Variants in TSNARE1 observed in about 807,000 individuals in gnomAD.
TSNARE1 encodes the protein t-SNARE domain containing 1, also known as t-SNARE domain-containing protein 1.
In TSNARE1, 49 loss-of-function variants were observed where a neutral mutation model predicts 62.0. The ratio of observed to expected loss-of-function variants is 0.79; its 90% CI spans 0.63 to 1.00. The LOEUF (loss-of-function observed/expected upper bound fraction) is 1.00, where lower values mean the gene tolerates loss of function less well. Among genes scored for constraint, TSNARE1 ranks in the 50% least tolerant of loss-of-function variants. The pLI is 0.00. For missense variants in TSNARE1, 755 were observed against 700.1 expected (o/e 1.08, Z -0.88); for synonymous variants, 328 against 294.4 (o/e 1.11, Z -1.17).
At chr8:142,373,953 T>C (rs1297384511) in intron 1 of TSNARE1, among the ~76,000 whole-genome samples, 3 of 151,894 alleles carry the variant, frequency 2.0e-5, no homozygotes, top group Admixed American at 6.6e-5. Context: ...TAATACACTG[T>C]GTGTGTGGAG....
intron 10 of TSNARE1, among the ~76,000 whole-genome samples, chr8:142,292,969 G>A (rs551066189): frequency 6.6e-6 from 1 of 152,268 alleles, no homozygotes; most frequent in South Asian, 2.1e-4. Flanking sequence ...TCAGCACATA[G>A]AAAGTGGGGG....
At position 142,310,202 on chromosome 8, in the gene TSNARE1, G is replaced by A. The variant is rs891168490; in HGVS notation, c.1131+4182C>T. ...GCCTACTGAACGTGTTTTATATTTC[G>A]TTAATTTCTGCCTTAGTAATTGCAT... On this transcript the variant is annotated intron_variant, in intron 9 of 13. Coordinates refer to ENST00000524325, the MANE Select transcript of TSNARE1 (RefSeq NM_145003.5). Among the ~76,000 whole-genome samples the A allele has an allele frequency of 7.2e-5, 11 of 152,060 alleles. No homozygotes were observed. The South Asian group carries it at 1.5e-3, about 20-fold the overall frequency.
intron 1 of TSNARE1, among the ~76,000 whole-genome samples, chr8:142,393,520 T>C (rs138484311): frequency 5.5e-4 from 84 of 152,370 alleles, no homozygotes; most frequent in Non-Finnish European, 3.7e-4. Context: ...TGTGTATTAT[T>C]TCTCACAACT....
At chr8:142,222,104 A>C (rs1586759823) in intron 13 of TSNARE1, among the ~76,000 whole-genome samples, 1 of 99,554 alleles carries the variant, frequency 1.0e-5, no homozygotes. Flanking sequence ...CATCCACTCC[A>C]CTCACTCATC....
At chr8:142,225,851 C>T (rs1265934656) in intron 13 of TSNARE1, among the ~76,000 whole-genome samples, 7 of 152,304 alleles carry the variant, frequency 4.6e-5, no homozygotes, top group East Asian at 1.9e-4. Flanking sequence ...TCTCATAGCC[C>T]GGGAGGTGAA....
intron 10 of TSNARE1, among the ~76,000 whole-genome samples, chr8:142,285,183 G>A (rs1822473531): frequency 6.6e-6 from 1 of 151,698 alleles, no homozygotes; most frequent in South Asian, 2.1e-4. Flanking sequence ...ATGGATGGGT[G>A]GGTGATGGGT....
At chr8:142,276,329 G>A (rs1563806986) in intron 11 of TSNARE1, 4 of 985,484 alleles carry the variant, frequency 4.1e-6, no homozygotes, top group Non-Finnish European at 3.6e-6. Flanking sequence ...GCCAATGGAG[G>A]AGGAGAGGGA....
intron 1 of TSNARE1, among the ~76,000 whole-genome samples, chr8:142,382,067 C>A (rs1331889450): frequency 6.6e-6 from 1 of 152,208 alleles, no homozygotes. Context: ...CCCACGCGCC[C>A]CTGCCAGCAT....
intron 9 of TSNARE1, among the ~76,000 whole-genome samples, chr8:142,302,995 C>T (rs1000939926): frequency 2.6e-5 from 4 of 152,102 alleles, no homozygotes; most frequent in African/African-American, 9.7e-5. Context: ...CCAACCCATC[C>T]CACTCACGTC....
intron 1 of TSNARE1, among the ~76,000 whole-genome samples, chr8:142,377,061 G>A (rs1045420092): frequency 5.9e-5 from 9 of 152,298 alleles, no homozygotes; most frequent in East Asian, 1.9e-4. Context: ...ACCTCCCCCC[G>A]TCAACGGGGG....
intron 1 of TSNARE1, among the ~76,000 whole-genome samples, chr8:142,371,359 G>A (rs1288834781): frequency 6.6e-6 from 1 of 152,212 alleles, no homozygotes; most frequent in Non-Finnish European, 1.5e-5. Context: ...CCAGGGGCTA[G>A]GGGTCGGCCA....
chr8:142,280,096 C>T (rs1345305309), intron 11 of TSNARE1: 11 of 1,182,258 alleles, frequency 9.3e-6, no homozygotes, highest in Admixed American at 3.8e-5. Context: ...GCGGTGCTTT[C>T]GGGCAGGTGT....
intron 13 of TSNARE1, among the ~76,000 whole-genome samples, chr8:142,213,903 C>G (rs2129803770): frequency 6.6e-6 from 1 of 152,270 alleles, no homozygotes; most frequent in Non-Finnish European, 1.5e-5. Context: ...AAGCCCTGGC[C>G]TTTCCAGGAT....
At chr8:142,233,340 G>A (rs559238708) in intron 12 of TSNARE1, among the ~76,000 whole-genome samples, 1 of 152,284 alleles carries the variant, frequency 6.6e-6, no homozygotes, top group South Asian at 2.1e-4. Flanking sequence ...GACGGGTGAT[G>A]GTCAAGGCCG....
intron 11 of TSNARE1, chr8:142,280,336 C>A (rs1821211086): frequency 1.0e-6 from 1 of 985,188 alleles, no homozygotes; most frequent in Admixed American, 6.1e-5. Context: ...TGGAAAGGCA[C>A]CAGAGGCTGA....
chr8:142,375,527 G>A (rs542858146), intron 1 of TSNARE1, among the ~76,000 whole-genome samples: 4 of 152,192 alleles, frequency 2.6e-5, no homozygotes, highest in Admixed American at 6.5e-5. Flanking sequence ...AAGGGGACCC[G>A]CCAGGCAGGC....
At chr8:142,277,157 G>A in intron 11 of TSNARE1, 1 of 985,294 alleles carries the variant, frequency 1.0e-6, no homozygotes, top group Non-Finnish European at 1.2e-6. Flanking sequence ...GCCCTGCAGA[G>A]CCACAGGCCC....
At chr8:142,230,863 T>A (rs1159199023) in intron 12 of TSNARE1, among the ~76,000 whole-genome samples, 1 of 151,212 alleles carries the variant, frequency 6.6e-6, no homozygotes, top group Admixed American at 6.6e-5. Context: ...CATCAATTCA[T>A]CTATCCATCC....
At chr8:142,361,294 G>C (rs1378041251) in intron 1 of TSNARE1, among the ~76,000 whole-genome samples, 1 of 152,224 alleles carries the variant, frequency 6.6e-6, no homozygotes, top group African/African-American at 2.4e-5. Flanking sequence ...TTGTCCCATG[G>C]GGGAGGAAAC....
Sources: gnomAD v4.1 joint callset for allele counts (sites outside exome capture counted in the v4.1 genomes callset) on GRCh38, gnomAD v4.1.1 for gene constraint, MANE v1.5 for transcripts, NCBI Gene and HGNC (gene_info 2026-07-23, HGNC 2026-07-21) for gene names.